The following FCHSD1 variants were observed in gnomAD, a reference collection of about 807,000 sequenced individuals.
The protein encoded by FCHSD1 is F-BAR and double SH3 domains protein 1.
FCHSD1 carries 109 observed loss-of-function variants against 101.3 expected under a neutral mutation model. The observed-to-expected ratio is 1.08, with a 90% CI of 0.92 to 1.26. The LOEUF is 1.26. FCHSD1 is among the 50% of genes most tolerant of loss of function. FCHSD1 has a pLI of 0.00. For missense variants in FCHSD1, 820 were observed against 895.8 expected, an observed-to-expected ratio of 0.92 and a Z score of 1.08; for synonymous variants, 291 against 356.8, an observed-to-expected ratio of 0.82 and a Z score of 2.08.
intron 11 of FCHSD1, 151 bp from the exon 12 acceptor site, chr5:141,646,342 G>A: frequency 1.1e-6 from 1 of 939,314 alleles, no homozygotes; most frequent in African/African-American, 1.6e-5. Context: ...CTTTAGTGAT[G>A]AGGAAATTGA....
rs766474353 is a variant in FCHSD1 at position 141,645,920 on chromosome 5, T to C, written c.1162A>G (p.Lys388Glu). Residue 388 changes from lysine to glutamate, a missense_variant, in exon 13 of 20, where the codon AAG becomes GAG. By Grantham distance (56) the Lys-to-Glu change is moderately conservative. Transcript: ENST00000435817. Reference sequence around the variant, plus strand: ...AGCAGGGCCAGCCGGGCAGCCCCCTTCACCTGGCTCACCTGCCATGGGGAG... The same window carrying C: ...AGCAGGGCCAGCCGGGCAGCCCCCTCCACCTGGCTCACCTGCCATGGGGAG... ...SIRRAQVSQV[K>E]GAARLALLQG... 3 of 1,564,860 alleles carry C rather than the reference T, an allele frequency of 1.9e-6. No individual in the cohort carries two copies. The East Asian group carries it at 7.1e-5, about 37-fold the overall frequency.
rs762339643 is a variant in FCHSD1, at chr5:141,646,604, C to T, written c.1043G>A (p.Arg348Gln). The T allele has an allele frequency of 4.3e-6, 7 of 1,611,552 alleles. No homozygotes were observed. Among genetic ancestry groups the T allele is most frequent in the Admixed American group, 3.3e-5 (2 of 59,746 alleles). ...GACACCTGTGCCCCCCCACCTCACC[C>T]GATGCCCATGGTTCTGGATCTTGTA... is the stretch of plus-strand genomic sequence containing the variant. The part of the protein sequence containing the change: ...RDYKIQNHGH[R>Q]VLQRLEQRRQ... Residue 348 changes from arginine (R) to glutamine (Q), a missense_variant and splice_region_variant, in exon 11 of 20, where the codon CGG becomes CAG. By Grantham distance (43) the Arg-to-Gln change is conservative (BLOSUM62 1). Coordinates refer to ENST00000435817, the MANE Select transcript of FCHSD1 (RefSeq NM_033449.3).
chr5:141,647,549 A>G, intron 8 of FCHSD1, 29 bp from the exon 9 acceptor site: 1 of 1,610,578 alleles, frequency 6.2e-7, no homozygotes, highest in Non-Finnish European at 8.5e-7. Flanking sequence ...TACTGACACC[A>G]CCCTTCCCCC....
Position 141,639,872 on chromosome 5 carries a change from C to T in FCHSD1, c.*1626G>A, listed in dbSNP as rs1185169448. The T allele has an allele frequency of 6.3e-7, 1 of 1,591,978 alleles. No homozygotes were observed. The highest frequency in any genetic ancestry group is 8.6e-7 in the Non-Finnish European group (1 of 1,161,718). On this transcript the variant is annotated 3_prime_UTR_variant, in exon 20 of 20. Transcript: ENST00000435817. This position sits in a 1 kb window ranked among gnomAD's most constrained non-coding sequence, Gnocchi z 4.4. ...TCCCTGGTCAGAGGGGAGGGCCAAGCAGCCTCTGAGTTGTGGTCCTAAACC... is the reference window on the plus strand; with the variant it reads ...TCCCTGGTCAGAGGGGAGGGCCAAGTAGCCTCTGAGTTGTGGTCCTAAACC...
intron 18 of FCHSD1, 36 bp downstream of exon 18, chr5:141,642,965 G>A: frequency 1.3e-6 from 2 of 1,540,840 alleles, no homozygotes; most frequent in South Asian, 1.2e-5. Flanking sequence ...CTTCCTGTCT[G>A]TTAGCCTCCC....
At chr5:141,644,992 C>T (rs1194612611) in intron 14 of FCHSD1, 28 bp downstream of exon 14, 1 of 1,613,834 alleles carries the variant, frequency 6.2e-7, no homozygotes, top group Admixed American at 1.7e-5. Context: ...CACCCTTGCC[C>T]ATCAGAGGTC....
intron 2 of FCHSD1, 48 bp from the exon 3 acceptor site, chr5:141,650,452 T>C (rs2099908231): frequency 1.2e-6 from 2 of 1,613,108 alleles, no homozygotes; most frequent in Non-Finnish European, 1.7e-6. Context: ...AGGTTATGTT[T>C]GGTCCTGTTC....
Position 141,644,210 on chromosome 5 carries a change from AG to A in FCHSD1, c.1863+7del, listed in dbSNP as rs1562385985. ...GCCTGGGGAGTTCAGGGAGAAGGTAAGCCTCACCTGTTCAGGGTCAGAGAGT... is the reference window on the plus strand; with the variant it reads ...GCCTGGGGAGTTCAGGGAGAAGGTAACCTCACCTGTTCAGGGTCAGAGAGT... On this transcript the variant is annotated splice_region_variant and intron_variant, in intron 17 of 19. Coordinates refer to ENST00000435817, the MANE Select transcript of FCHSD1 (RefSeq NM_033449.3). 1 of 1,606,014 alleles carries A rather than the reference AG, an allele frequency of 6.2e-7. No homozygotes were observed. Among genetic ancestry groups the A allele is most frequent in the Admixed American group, 1.7e-5 (1 of 58,758 alleles).
chr5:141,651,067 G>A lies in FCHSD1; in HGVS notation c.72C>T (p.Ile24=), dbSNP rs1403209223. 6.3e-7 allele frequency: 1 copy of A among 1,599,360 alleles called. No homozygotes were observed. The highest frequency in any genetic ancestry group is 8.5e-7 in the Non-Finnish European group (1 of 1,172,762). Residue 24 remains isoleucine (I), a synonymous_variant, in exon 2 of 20, where the codon ATC becomes ATT. Coordinates refer to ENST00000435817, the MANE Select transcript of FCHSD1 (RefSeq NM_033449.3). The part of the protein sequence containing the change: ...VKLRFLEQLS[I]LQTWQQREAD... Reference sequence around the variant, plus strand: ...CCTCCCTCTGCTGCCAGGTCTGAAGGATGCTCAGCTGTTCCAGGAAGCGAA... The same window carrying A: ...CCTCCCTCTGCTGCCAGGTCTGAAGAATGCTCAGCTGTTCCAGGAAGCGAA...
At position 141,639,972 on chromosome 5, in the gene FCHSD1, G is replaced by A; in HGVS notation, c.*1526C>T. ...CTATGGACTGCACGAACACCGTGAT[G>A]GCTCCCCCACAGACAGGAGCTGGGG... On this transcript the variant is annotated 3_prime_UTR_variant, in exon 20 of 20. Transcript: ENST00000435817. The surrounding 1 kb of genome is among the most constrained non-coding windows in gnomAD (Gnocchi z 4.4). 1.2e-6 allele frequency: 2 copies of A among 1,613,984 alleles called. No individual in the cohort carries two copies. Among genetic ancestry groups the A allele is most frequent in the Non-Finnish European group, 1.7e-6 (2 of 1,179,992 alleles).
chr5:141,644,870 C>T lies in FCHSD1; in HGVS notation c.1513G>A (p.Glu505Lys), dbSNP rs749885164. 9 of 1,613,694 alleles carry T rather than the reference C, an allele frequency of 5.6e-6. No homozygotes were observed. Among genetic ancestry groups the T allele is most frequent in the Middle Eastern group, 1.7e-4 (1 of 6,016 alleles). The change falls in exon 15 of 20, where the codon GAA becomes AAA. Residue 505 changes from glutamate (E) to lysine (K), a missense_variant. Coordinates refer to ENST00000435817, the MANE Select transcript of FCHSD1 (RefSeq NM_033449.3). Reference sequence around the variant, plus strand: ...GGTCCCATACCCACCTTGACCCATTCGTCAGCATCTCCCTCCTCTATGACC... The same window carrying T: ...GGTCCCATACCCACCTTGACCCATTTGTCAGCATCTCCCTCCTCTATGACC... ...LEVIEEGDADEWVKARNQHGE... is the reference protein window; with the variant it reads ...LEVIEEGDADKWVKARNQHGE...
At chr5:141,647,764 A>G in intron 8 of FCHSD1, 1 of 957,434 alleles carries the variant, frequency 1.0e-6, no homozygotes. Context: ...CTGATGAGGA[A>G]TCTGGGGTTC....
chr5:141,647,337 G>A lies in FCHSD1; in HGVS notation c.828+61C>T, dbSNP rs1473760045. Reference sequence around the variant, plus strand: ...GACAATGTGTGAAGCAAAGAGGGCTGCATTGGGAGGGAAGGGTAAAAAGGA... The same window carrying A: ...GACAATGTGTGAAGCAAAGAGGGCTACATTGGGAGGGAAGGGTAAAAAGGA... On this transcript the variant is annotated intron_variant, in intron 9 of 19. Transcript: ENST00000435817. The A allele has an allele frequency of 1.7e-5, 27 of 1,570,034 alleles. 1 individual carries two copies. The South Asian group carries it at 2.9e-4, about 17-fold the overall frequency.
In FCHSD1 at chr5:141,649,500, C is replaced by T. The variant is rs779301296; in HGVS notation, c.270G>A (p.Leu90=). ...TTTGGCCCCCAGCCACGGTGGCATCCAGCAGGCAGCGCCAGGCACCGAACA... is the reference window on the plus strand; with the variant it reads ...TTTGGCCCCCAGCCACGGTGGCATCTAGCAGGCAGCGCCAGGCACCGAACA... ...RTVFGAWRCL[L]DATVAGGQTR... is the part of the protein sequence containing the mutation. The change falls in exon 5 of 20, where the codon CTG becomes CTA. Residue 90 remains leucine, a synonymous_variant. Coordinates refer to ENST00000435817, the MANE Select transcript of FCHSD1 (RefSeq NM_033449.3). This position sits in a 1 kb window ranked among gnomAD's most constrained non-coding sequence, Gnocchi z 4.1. The T allele has an allele frequency of 1.7e-5, 27 of 1,613,506 alleles. No individual in the cohort carries two copies. The South Asian group carries it at 2.9e-4, about 17-fold the overall frequency.
At position 141,644,925 on chromosome 5, in the gene FCHSD1, C is replaced by G; in HGVS notation, c.1458G>C (p.Glu486Asp). The part of the protein sequence containing the change: ...VFRYQAGRED[E>D]LTITEGEWLE... ...GCCACTCACCCTCCGTGATTGTCAG[C>G]TCATCCTCACGCCCTGCCTGGGCCA... The change falls in exon 15 of 20, where the codon GAG (glutamate) becomes GAC (aspartate). Residue 486 changes from glutamate (E) to aspartate (D), a missense_variant. By Grantham distance (45) the Glu-to-Asp change is conservative (BLOSUM62 2). Transcript: ENST00000435817. The G allele has an allele frequency of 6.2e-7, 1 of 1,613,968 alleles. No homozygotes were observed. Among genetic ancestry groups the G allele is most frequent in the Non-Finnish European group, 8.5e-7 (1 of 1,179,870 alleles).
At chr5:141,650,926 G>A in intron 2 of FCHSD1, 94 bp downstream of exon 2, 1 of 1,224,404 alleles carries the variant, frequency 8.2e-7, no homozygotes, top group South Asian at 1.3e-5. Flanking sequence ...GGGAGCTCTT[G>A]GCCCCTGTTC....
At position 141,639,361 on chromosome 5, in the gene FCHSD1, TG is replaced by T. The variant is rs1366305613; in HGVS notation, c.*2136del. On this transcript the variant is annotated 3_prime_UTR_variant, in exon 20 of 20. Coordinates refer to ENST00000435817, the MANE Select transcript of FCHSD1 (RefSeq NM_033449.3). The surrounding 1 kb of genome is among the most constrained non-coding windows in gnomAD (Gnocchi z 4.4). ...AAGAAAAAATGGGGCTTGGGGAAAT[TG>T]GGGCTTCTGGGGTTTTAAGGAGCAT... 13 of 915,278 alleles carry T rather than the reference TG, an allele frequency of 1.4e-5. No individual in the cohort carries two copies. The highest frequency in any genetic ancestry group is 2.1e-5 in the Non-Finnish European group (13 of 611,518). The allele number at this position is 915,278 out of a possible 1,614,324, so 56.7% of individuals were successfully genotyped here.
intron 2 of FCHSD1, 72 bp from the exon 3 acceptor site, chr5:141,650,476 C>T: frequency 5.0e-6 from 8 of 1,600,778 alleles, no homozygotes; most frequent in Non-Finnish European, 6.8e-6. Flanking sequence ...CATCCTCAGT[C>T]CTCTACTCTG....
At position 141,640,045 on chromosome 5, in the gene FCHSD1, G is replaced by A. The variant is rs1240873689; in HGVS notation, c.*1453C>T. On this transcript the variant is annotated 3_prime_UTR_variant, in exon 20 of 20. Coordinates refer to ENST00000435817, the MANE Select transcript of FCHSD1 (RefSeq NM_033449.3). ...GGGGGTGGTCAGGGGTCTGGGGGAGGGCAGCCCAAGGCAGGGATGCCTGCC... is the reference window on the plus strand; with the variant it reads ...GGGGGTGGTCAGGGGTCTGGGGGAGAGCAGCCCAAGGCAGGGATGCCTGCC... 2 of 1,613,406 alleles carry A rather than the reference G, an allele frequency of 1.2e-6. No homozygotes were observed. Among genetic ancestry groups the A allele is most frequent in the Non-Finnish European group, 1.7e-6 (2 of 1,179,808 alleles).
Sources: allele counts gnomAD v4.1 joint callset, GRCh38; gene constraint gnomAD v4.1.1; non-coding constraint Gnocchi (gnomAD v3.1); transcripts MANE v1.5; gene names NCBI Gene and HGNC (gene_info 2026-07-23, HGNC 2026-07-21).